PLEKHG7: variants seen among roughly 807,000 people sequenced by gnomAD.
PLEKHG7 encodes pleckstrin homology domain-containing family G member 7.
A neutral mutation model predicts 85.2 loss-of-function variants in PLEKHG7; 77 were observed. The observed-to-expected ratio is 0.90, with a 90% confidence interval of 0.75 to 1.09. The LOEUF (loss-of-function observed/expected upper bound fraction) is 1.09. PLEKHG7 is among the 50% of genes least tolerant of loss of function. PLEKHG7 has a pLI of 0.00. For synonymous variants in PLEKHG7, 301 were observed against 302.4 expected (o/e 1.00, Z 0.05); for missense variants, 777 against 804.3 (o/e 0.97, Z 0.41).
intron 3 of PLEKHG7, 58 bp from the exon 4 acceptor site, chr12:92,728,935 T>C: frequency 8.4e-7 from 1 of 1,185,780 alleles, no homozygotes; most frequent in Non-Finnish European, 1.1e-6. Context: ...AAAATAGCCA[T>C]TCTGAGTGGT....
At chr12:92,709,664 C>CA (rs925798536) in intron 3 of PLEKHG7, among the ~76,000 whole-genome samples, 29 of 151,698 alleles carry the variant, frequency 1.9e-4, no homozygotes, top group Non-Finnish European at 4.3e-4. Context: ...AAGCCATTTG[C>CA]AAAAAAATGA....
intron 12 of PLEKHG7, 83 bp from the exon 13 acceptor site, chr12:92,756,214 TG>T (rs1872825408): frequency 1.0e-6 from 1 of 987,968 alleles, no homozygotes; most frequent in Non-Finnish European, 1.6e-6. Flanking sequence ...ACTTTCTAGA[TG>T]GAGTTAATTG....
At chr12:92,753,493 T>C (rs2136620117) in intron 10 of PLEKHG7, among the ~76,000 whole-genome samples, 1 of 152,304 alleles carries the variant, frequency 6.6e-6, no homozygotes, top group South Asian at 2.1e-4. Flanking sequence ...GGTGCTGGCA[T>C]ACCCTAGAAC....
intron 11 of PLEKHG7, 108 bp downstream of exon 11, chr12:92,754,372 G>A (rs1872770424): frequency 9.1e-7 from 1 of 1,094,220 alleles, no homozygotes; most frequent in African/African-American, 1.6e-5. Flanking sequence ...TTGAGGTCAT[G>A]GCTCTTGGAA....
intron 13 of PLEKHG7, among the ~76,000 whole-genome samples, chr12:92,760,566 G>T (rs911015948): frequency 6.6e-6 from 1 of 151,914 alleles, no homozygotes; most frequent in Non-Finnish European, 1.5e-5. Flanking sequence ...AATTTACTGG[G>T]TTTTCCTATG....
At chr12:92,716,105 T>G (rs1565787071) in intron 3 of PLEKHG7, among the ~76,000 whole-genome samples, 1 of 148,864 alleles carries the variant, frequency 6.7e-6, no homozygotes, top group East Asian at 1.9e-4. Context: ...TGTTTTGTTT[T>G]GTTTTTTTTG....
intron 13 of PLEKHG7, among the ~76,000 whole-genome samples, chr12:92,761,088 A>G (rs1872976742): frequency 1.3e-5 from 2 of 152,220 alleles, no homozygotes; most frequent in South Asian, 4.1e-4. Flanking sequence ...TCAGTGCACC[A>G]GCCTTATCAC....
In PLEKHG7 at chr12:92,745,416, T is replaced by C. The variant is rs549116427; in HGVS notation, c.1138-62T>C. 3.2e-5 allele frequency: 36 copies of C among 1,136,590 alleles called. No individual in the cohort carries two copies. In the African/African-American group the frequency reaches 5.0e-4, roughly 16 times the overall value. The allele number at this position is 1,136,590 out of a possible 1,614,324, so 70.4% of individuals were successfully genotyped here. On this transcript the variant is annotated intron_variant, in intron 9 of 16. Transcript: ENST00000344636. ...TGATAAAAGTGAGGAGAAACACTCT[T>C]TCAGGGCTCAATGCTCTCCTTAACT...
At chr12:92,727,118 A>T (rs4760491) in intron 3 of PLEKHG7, among the ~76,000 whole-genome samples, 81,701 of 151,806 alleles carry the variant, frequency 0.54, 22,963 homozygotes, top group East Asian at 0.9. Flanking sequence ...ATGTATGGGG[A>T]GTTTTTGTCA....
At chr12:92,721,341 T>G (rs1592675228) in intron 3 of PLEKHG7, 9 of 674,692 alleles carry the variant, frequency 1.3e-5, no homozygotes, top group South Asian at 7.8e-5. Context: ...AGCAGTGGGG[T>G]TGGGGGGGAA....
intron 3 of PLEKHG7, 130 bp from the exon 4 acceptor site, chr12:92,728,863 A>G (rs1379871673): frequency 6.2e-6 from 4 of 642,654 alleles, no homozygotes; most frequent in Non-Finnish European, 8.9e-6. Flanking sequence ...ATTCCCACCA[A>G]TGGACTATAA....
At chr12:92,764,271 T>A in intron 15 of PLEKHG7, 77 bp downstream of exon 15, 1 of 1,383,192 alleles carries the variant, frequency 7.2e-7, no homozygotes, top group Non-Finnish European at 9.8e-7. Context: ...TGGTAGCAGG[T>A]CATAAATCCA....
At chr12:92,749,836 A>G (rs1872635191) in intron 10 of PLEKHG7, 1 of 151,110 alleles carries the variant, frequency 6.6e-6, no homozygotes, top group South Asian at 2.1e-4. Flanking sequence ...GCATCCCACT[A>G]AGACAAATTT....
In PLEKHG7 at chr12:92,741,488, T is replaced by C; in HGVS notation, c.1036-3T>C. 6.2e-7 allele frequency: 1 copy of C among 1,604,434 alleles called. No homozygotes were observed. ...TTTTTGTTTTCTTTCTCTCTGTCCCTAGACAAGCCTTGGTTTTGTGAACAG... is the reference window on the plus strand; with the variant it reads ...TTTTTGTTTTCTTTCTCTCTGTCCCCAGACAAGCCTTGGTTTTGTGAACAG... On this transcript the variant is annotated splice_region_variant and splice_polypyrimidine_tract_variant and intron_variant, in intron 8 of 16. Transcript: ENST00000344636.
chr12:92,754,053 G>T, intron 10 of PLEKHG7, 37 bp from the exon 11 acceptor site: 1 of 1,599,616 alleles, frequency 6.3e-7, no homozygotes, highest in Non-Finnish European at 8.6e-7. Context: ...AGTGGGAGAG[G>T]TGATCATTCT....
At chr12:92,704,491 C>T (rs1871176189) in intron 1 of PLEKHG7, among the ~76,000 whole-genome samples, 1 of 152,214 alleles carries the variant, frequency 6.6e-6, no homozygotes, top group Admixed American at 6.5e-5. Context: ...CTCACCTTAA[C>T]TGAACATAAG....
intron 14 of PLEKHG7, among the ~76,000 whole-genome samples, chr12:92,763,565 A>G (rs561796342): frequency 2.0e-5 from 3 of 152,184 alleles, no homozygotes; most frequent in Admixed American, 1.3e-4. Flanking sequence ...CTGTAATCCC[A>G]GCACTTTAGG....
At chr12:92,712,592 G>A (rs1266577705) in intron 3 of PLEKHG7, among the ~76,000 whole-genome samples, 1 of 152,168 alleles carries the variant, frequency 6.6e-6, no homozygotes, top group African/African-American at 2.4e-5. Flanking sequence ...CGTCTTTCGA[G>A]TCCTTGATGG....
intron 5 of PLEKHG7, among the ~76,000 whole-genome samples, chr12:92,734,234 T>C (rs1872073404): frequency 6.6e-6 from 1 of 152,248 alleles, no homozygotes; most frequent in Non-Finnish European, 1.5e-5. Flanking sequence ...TATGTTGTCA[T>C]GTGCTTTTCC....
Sources: allele counts gnomAD v4.1 joint callset (sites outside exome capture counted in the v4.1 genomes callset), GRCh38; gene constraint gnomAD v4.1.1; transcripts MANE v1.5; gene names NCBI Gene and HGNC (gene_info 2026-07-23, HGNC 2026-07-21).